POLQ: variants seen among roughly 807,000 people sequenced by gnomAD.
POLQ encodes the protein epididymis secretory sperm binding protein.
In POLQ, 233 loss-of-function variants were observed where a neutral mutation model predicts 259.2. That is an observed-to-expected ratio of 0.90 (90% CI 0.81 to 1.00). POLQ has a LOEUF of 1.00. Ranked by LOEUF, POLQ falls within the 50% of genes least tolerant of loss-of-function variation. The pLI is 0.00. For synonymous variants in POLQ, 1,025 were observed against 1,048.8 expected (o/e 0.98, Z 0.44); for missense variants, 2,871 against 3,051.6 (o/e 0.94, Z 1.39).
chr3:121,451,876 C>A (rs1448594946), intron 25 of POLQ, among the ~76,000 whole-genome samples: 2 of 152,224 alleles, frequency 1.3e-5, no homozygotes, highest in Non-Finnish European at 2.9e-5. Flanking sequence ...CTATGCCCTG[C>A]CCCCAGAGGT....
chr3:121,509,130 G>A (rs947134748), intron 12 of POLQ, among the ~76,000 whole-genome samples: 1 of 152,048 alleles, frequency 6.6e-6, no homozygotes, highest in Non-Finnish European at 1.5e-5. Flanking sequence ...CACTAATCAA[G>A]CTTTCCTCTT....
intron 24 of POLQ, among the ~76,000 whole-genome samples, chr3:121,466,571 TC>T (rs905790613): frequency 2.6e-5 from 4 of 151,090 alleles, no homozygotes; most frequent in Non-Finnish European, 4.4e-5. Flanking sequence ...ATGCTTGTAA[TC>T]CCAGCTACTC....
intron 24 of POLQ, among the ~76,000 whole-genome samples, chr3:121,462,314 AAT>A (rs1444788987): frequency 2.0e-5 from 3 of 152,188 alleles, no homozygotes; most frequent in Admixed American, 6.5e-5. Context: ...GCAGAACTAT[AAT>A]CACTGAGAAT....
chr3:121,542,839 C>T (rs931200558), intron 2 of POLQ, among the ~76,000 whole-genome samples: 8 of 151,738 alleles, frequency 5.3e-5, no homozygotes, highest in East Asian at 3.9e-4. Context: ...ACTTTGGGGC[C>T]GGGCGTGGTG....
chr3:121,490,950 G>A (rs1379884005), intron 15 of POLQ, among the ~76,000 whole-genome samples: 1 of 152,040 alleles, frequency 6.6e-6, no homozygotes, highest in African/African-American at 2.4e-5. Flanking sequence ...AGCTGCTTGG[G>A]AGGCTGAGGC....
rs187858444 is a variant in POLQ at position 121,541,603 on chromosome 3, A to G, written c.344-124T>C. 21 of 760,186 alleles carry G rather than the reference A, an allele frequency of 2.8e-5. 1 individual carries two copies. Among genetic ancestry groups the G allele is most frequent in the Middle Eastern group, 3.4e-4 (1 of 2,948 alleles). 47.1% of individuals were successfully genotyped at this position (760,186 alleles called of 1,614,324 possible). The stretch of plus-strand genomic sequence containing the variant: ...AGGCTAACCAATCACTAAGGGCCCA[A>G]TAGCACTTAAAATCTTTATACCCTG... On this transcript the variant is annotated intron_variant, in intron 2 of 29. Transcript: ENST00000264233.
At chr3:121,540,712 T>C (rs1014797564) in intron 3 of POLQ, among the ~76,000 whole-genome samples, 10 of 152,222 alleles carry the variant, frequency 6.6e-5, no homozygotes, top group Non-Finnish European at 1.5e-4. Flanking sequence ...CTAGTCCTAC[T>C]GTTCAGTTAA....
chr3:121,519,919 A>T lies in POLQ; in HGVS notation c.1420T>A (p.Tyr474Asn). 1 of 1,610,552 alleles carries T rather than the reference A, an allele frequency of 6.2e-7. No individual in the cohort carries two copies. The highest frequency in any genetic ancestry group is 8.5e-7 in the Non-Finnish European group (1 of 1,176,834). ...CCAGCACGGCCAACCATCTGCTTAT[A>T]AGTAAGAATATCTAGAGGTCGACCA... ...FGGRPLDILT[Y>N]KQMVGRAGRK... The change falls in exon 9 of 30, where the codon TAT becomes AAT. Residue 474 changes from tyrosine (Y) to asparagine (N), a missense_variant. Transcript: ENST00000264233.
chr3:121,446,525 G>A (rs2047633787), intron 26 of POLQ, among the ~76,000 whole-genome samples: 1 of 152,068 alleles, frequency 6.6e-6, no homozygotes, highest in Admixed American at 6.5e-5. Context: ...TCAAAGAGGG[G>A]TGTTGAAATC....
At position 121,436,258 on chromosome 3, in the gene POLQ, G is replaced by A. The variant is rs1158144600; in HGVS notation, c.7407C>T (p.Ile2469=). The A allele has an allele frequency of 6.2e-7, 1 of 1,613,788 alleles. No individual in the cohort carries two copies. Among genetic ancestry groups the A allele is most frequent in the Admixed American group, 1.7e-5 (1 of 59,980 alleles). Reference sequence around the variant, plus strand: ...CTGCTGATCCTTGGACTATTGTGTTGATAGCTTGACGCTCAGCCTAGAAAA... The same window carrying A: ...CTGCTGATCCTTGGACTATTGTGTTAATAGCTTGACGCTCAGCCTAGAAAA... The part of the protein sequence containing the change: ...YRKAHAERQA[I]NTIVQGSAAD... The change falls in exon 28 of 30, where the codon ATC becomes ATT. Residue 2469 remains isoleucine (I), a synonymous_variant. Coordinates refer to ENST00000264233, the MANE Select transcript of POLQ (RefSeq NM_199420.4).
At position 121,458,658 on chromosome 3, in the gene POLQ, A is replaced by G. The variant is rs535592355; in HGVS notation, c.7152+1392T>C. Among the ~76,000 whole-genome samples, 55 of 152,334 alleles carry G rather than the reference A, an allele frequency of 3.6e-4. 2 individuals carry two copies. The South Asian group carries it at 8.7e-3, about 24-fold the overall frequency. On this transcript the variant is annotated intron_variant, in intron 25 of 29. Transcript: ENST00000264233. ...ACCTCTCCAGGGATTAAACAGACAGAGAGGACAGAGCTGGCTTTTTAAATA... is the reference window on the plus strand; with the variant it reads ...ACCTCTCCAGGGATTAAACAGACAGGGAGGACAGAGCTGGCTTTTTAAATA...
At chr3:121,481,470 G>A (rs183604821) in intron 19 of POLQ, 102 bp downstream of exon 19, 83 of 1,081,846 alleles carry the variant, frequency 7.7e-5, no homozygotes, top group Non-Finnish European at 7.8e-5. Context: ...CAATCCAAAG[G>A]TAGGATTTGC....
chr3:121,489,821 C>A lies in POLQ; in HGVS notation c.3110G>T (p.Arg1037Ile). Residue 1037 changes from arginine (R) to isoleucine (I), a missense_variant, in exon 16 of 30, where the codon AGA (arginine) becomes ATA (isoleucine). This residue lies in a region of POLQ where 2,080 missense variants were observed against 2,126.0 expected (regional missense o/e 0.98). Coordinates refer to ENST00000264233, the MANE Select transcript of POLQ (RefSeq NM_199420.4). ...PLNFNSEKMS[R>I]SFRSWKRRKH... ...TCTACGTTTCCAAGATCGAAAACTT[C>A]TGCTCATCTTTTCTGAATTGAAATT... is the stretch of plus-strand genomic sequence containing the variant. The A allele has an allele frequency of 6.2e-7, 1 of 1,612,538 alleles. No homozygotes were observed. The highest frequency in any genetic ancestry group is 8.5e-7 in the Non-Finnish European group (1 of 1,179,722).
At chr3:121,446,502 A>G (rs2047633566) in intron 26 of POLQ, among the ~76,000 whole-genome samples, 1 of 152,136 alleles carries the variant, frequency 6.6e-6, no homozygotes, top group African/African-American at 2.4e-5. Flanking sequence ...TGTCTGGAAT[A>G]TCTGTCTGCT....
intron 5 of POLQ, among the ~76,000 whole-genome samples, chr3:121,534,441 T>C (rs2048436525): frequency 6.6e-6 from 1 of 152,008 alleles, no homozygotes; most frequent in South Asian, 2.1e-4. Context: ...GTGATTCTTA[T>C]GCCACCTGAG....
chr3:121,437,355 T>G (rs1264416965), intron 27 of POLQ, among the ~76,000 whole-genome samples: 1 of 151,744 alleles, frequency 6.6e-6, no homozygotes, highest in African/African-American at 2.4e-5. Context: ...TGCAGAAAAC[T>G]CAACAGAAAA....
At chr3:121,520,121 A>G (rs772110915) in intron 8 of POLQ, 38 bp from the exon 9 acceptor site, 1 of 1,191,356 alleles carries the variant, frequency 8.4e-7, no homozygotes, top group South Asian at 1.3e-5. Context: ...ATTGATATAT[A>G]ACGAAAATAT....
At chr3:121,516,499 A>C (rs1314593376) in intron 9 of POLQ, among the ~76,000 whole-genome samples, 1 of 152,192 alleles carries the variant, frequency 6.6e-6, no homozygotes, top group African/African-American at 2.4e-5. Context: ...AAAATGTCCA[A>C]ATGAACATCA....
intron 2 of POLQ, among the ~76,000 whole-genome samples, chr3:121,542,516 A>G (rs942419649): frequency 6.6e-6 from 1 of 152,244 alleles, no homozygotes; most frequent in Admixed American, 6.5e-5. Flanking sequence ...AGCATGGAGT[A>G]TAAAGTACCC....
Sources: allele counts gnomAD v4.1 joint callset (sites outside exome capture counted in the v4.1 genomes callset), GRCh38; gene constraint gnomAD v4.1.1; regional missense constraint gnomAD v4.1.1; transcripts MANE v1.5; gene names NCBI Gene and HGNC (gene_info 2026-07-23, HGNC 2026-07-21).